ADAP1: variants seen among roughly 807,000 people sequenced by gnomAD.
The protein encoded by ADAP1 is arf-GAP with dual PH domain-containing protein 1.
In ADAP1, 31 loss-of-function variants were observed where a neutral mutation model predicts 54.9. The observed-to-expected ratio is 0.56, with a 90% CI of 0.42 to 0.76. ADAP1 has a LOEUF of 0.76. Among genes scored for constraint, ADAP1 ranks in the 30% least tolerant of loss-of-function variants. The pLI is 0.00. For synonymous variants in ADAP1, 313 were observed against 202.6 expected, an observed-to-expected ratio of 1.55 and a Z score of -4.63; for missense variants, 535 against 512.4, an observed-to-expected ratio of 1.04 and a Z score of -0.42.
At position 899,099 on chromosome 7, in the gene ADAP1, G is replaced by A; in HGVS notation, c.1030C>T (p.Gln344Ter). 1 of 1,608,374 alleles carries A rather than the reference G, an allele frequency of 6.2e-7. No individual in the cohort carries two copies. The highest frequency in any genetic ancestry group is 8.5e-7 in the Non-Finnish European group (1 of 1,179,918). ...TGGAAGGCCGCCACCCACTCCCTCTGGTCGGACTCCGTCTCGCAGGCAAAC... is the reference window on the plus strand; with the variant it reads ...TGGAAGGCCGCCACCCACTCCCTCTAGTCGGACTCCGTCTCGCAGGCAAAC... ...FLFACETESD[Q>*]REWVAAFQKA... Residue 344 changes from glutamine (Q) to a stop codon, truncating the protein, a stop_gained, in exon 10 of 11, where the codon CAG becomes TAG. Coordinates refer to ENST00000265846, the MANE Select transcript of ADAP1 (RefSeq NM_006869.4). LOFTEE classifies it high-confidence loss of function.
At chr7:904,794 C>T (rs1346327492) in intron 5 of ADAP1, among the ~76,000 whole-genome samples, 1 of 152,246 alleles carries the variant, frequency 6.6e-6, no homozygotes, top group African/African-American at 2.4e-5. Flanking sequence ...ACTAGGTTCT[C>T]CCTCTCCCAC....
intron 5 of ADAP1, 34 bp downstream of exon 5, chr7:905,026 A>G (rs375765167): frequency 9.5e-6 from 15 of 1,582,692 alleles, no homozygotes; most frequent in Non-Finnish European, 1.1e-5. Flanking sequence ...CCGCCCTGGG[A>G]CAGGCCCCCA....
Position 946,035 on chromosome 7 carries a change from C to A in ADAP1, c.82+8361G>T, listed in dbSNP as rs913932527. 1.2e-4 allele frequency among the ~76,000 whole-genome samples: 18 copies of A among 152,200 alleles called. No individual in the cohort carries two copies. Among genetic ancestry groups the A allele is most frequent in the African/African-American group, 4.3e-4 (18 of 41,440 alleles). On this transcript the variant is annotated intron_variant, in intron 1 of 10. Coordinates refer to ENST00000265846, the MANE Select transcript of ADAP1 (RefSeq NM_006869.4). The surrounding 1 kb of genome is among the most constrained non-coding windows in gnomAD (Gnocchi z 4.3). ...GGGTCGGACGCTGGCTCTGGCCAGG[C>A]ACGCAAGGGGCAGCCGAGGTGGGAG...
At chr7:950,752 G>A in intron 1 of ADAP1, among the ~76,000 whole-genome samples, 1 of 151,328 alleles carries the variant, frequency 6.6e-6, no homozygotes, top group East Asian at 2.0e-4. Context: ...AGCTACTCAG[G>A]GGACTGAGGC....
In ADAP1 at chr7:898,132, GGA is replaced by G. The variant is rs1844593273; in HGVS notation, c.*787_*788del. 6.6e-6 allele frequency: 1 copy of G among 152,314 alleles called. No individual in the cohort carries two copies. Among genetic ancestry groups the G allele is most frequent in the South Asian group, 2.1e-4 (1 of 4,838 alleles). 9.4% of individuals were successfully genotyped at this position (152,314 alleles called of 1,614,324 possible). Reference sequence around the variant, plus strand: ...GGAGCCCGGCCTGCCTTGACAGGAAGGAGATAGGTGAAAAATAAATACACGGC... The same window carrying G: ...GGAGCCCGGCCTGCCTTGACAGGAAGGATAGGTGAAAAATAAATACACGGC... On this transcript the variant is annotated 3_prime_UTR_variant, in exon 11 of 11. Coordinates refer to ENST00000265846, the MANE Select transcript of ADAP1 (RefSeq NM_006869.4).
chr7:925,332 G>A (rs1247462250), intron 3 of ADAP1, among the ~76,000 whole-genome samples: 1 of 149,570 alleles, frequency 6.7e-6, no homozygotes, highest in East Asian at 2.0e-4. Flanking sequence ...ACCAGCCTGG[G>A]CAATGTAGGG....
rs1308593152 is a variant in ADAP1 at position 905,259 on chromosome 7, T to TCGG, written c.389-88_389-87insCCG. On this transcript the variant is annotated intron_variant, in intron 4 of 10. Transcript: ENST00000265846. Reference sequence around the variant, plus strand: ...GACGATGGACAGGACAGAGGGGACATGGGGAGAAGACACGGGGGACACGGA... The same window carrying TCGG: ...GACGATGGACAGGACAGAGGGGACATCGGGGGGAGAAGACACGGGGGACACGGA... 2.6e-5 allele frequency: 16 copies of TCGG among 620,022 alleles called. No individual in the cohort carries two copies. In the African/African-American group the frequency reaches 4.1e-4, roughly 16 times the overall value. The allele number at this position is 620,022 out of a possible 1,614,324, so 38.4% of individuals were successfully genotyped here. A position where few individuals can be genotyped will look rare whatever the true frequency, so the allele number is the denominator to read the frequency against.
At position 905,543 on chromosome 7, in the gene ADAP1, G is replaced by GGAGAAA. The variant is rs1845161451; in HGVS notation, c.389-372_389-371insTTTCTC. 1.7e-4 allele frequency: 2 copies of GGAGAAA among 11,502 alleles called. 1 individual carries two copies. Among genetic ancestry groups the GGAGAAA allele is most frequent in the Non-Finnish European group, 2.9e-4 (2 of 6,874 alleles). 0.7% of individuals were successfully genotyped at this position (11,502 alleles called of 1,614,324 possible). On this transcript the variant is annotated intron_variant, in intron 4 of 10. Transcript: ENST00000265846. ...AGAAGGGAGAAGGGAGAAGGGAGAA[G>GGAGAAA]GGAGAAGGGAGAAAGGAGAAAGGAG...
intron 1 of ADAP1, among the ~76,000 whole-genome samples, chr7:948,238 G>A (rs968655660): frequency 3.1e-4 from 46 of 148,100 alleles, no homozygotes; most frequent in African/African-American, 1.0e-3. Context: ...CCCCTTGCCC[G>A]GGTGGGATCC....
Position 938,187 on chromosome 7 carries a change from G to A in ADAP1, c.83-2682C>T, listed in dbSNP as rs1386657244. Among the ~76,000 whole-genome samples, 2 of 151,032 alleles carry A rather than the reference G, an allele frequency of 1.3e-5. No homozygotes were observed. Among genetic ancestry groups the A allele is most frequent in the African/African-American group, 2.4e-5 (1 of 41,304 alleles). ...TTTTTGTCTTGTATTGTATTGTTTT[G>A]TTTTGAGACAGGGTCTTGCCCTGTT... On this transcript the variant is annotated intron_variant, in intron 1 of 10. Transcript: ENST00000265846. The surrounding 1 kb of genome is among the most constrained non-coding windows in gnomAD (Gnocchi z 4.4).
intron 1 of ADAP1, among the ~76,000 whole-genome samples, chr7:950,856 C>CAAAAAAAAAAA (rs34720533): frequency 3.5e-5 from 3 of 84,972 alleles, no homozygotes; most frequent in Non-Finnish European, 4.4e-5. Flanking sequence ...GACTCCGTCT[C>CAAAAAAAAAAA]AAAAAAAAAA....
At chr7:949,414 G>A (rs1041944129) in intron 1 of ADAP1, among the ~76,000 whole-genome samples, 1 of 152,272 alleles carries the variant, frequency 6.6e-6, no homozygotes, top group African/African-American at 2.4e-5. Flanking sequence ...GATGCGGCTG[G>A]CTGCCAGGTA....
At chr7:954,025 G>A (rs554239523) in intron 1 of ADAP1, among the ~76,000 whole-genome samples, 66 of 152,286 alleles carry the variant, frequency 4.3e-4, no homozygotes, top group African/African-American at 1.5e-3. Context: ...CTGGCGGCCC[G>A]TTCCCTCCCT....
intron 1 of ADAP1, among the ~76,000 whole-genome samples, chr7:952,812 C>T (rs764889940): frequency 1.3e-5 from 2 of 152,064 alleles, no homozygotes; most frequent in East Asian, 1.9e-4. Context: ...TACCCGGCAG[C>T]GTGGGGCATA....
rs944359758 is a variant in ADAP1, at chr7:906,659, G to A, written c.389-1487C>T. Among the ~76,000 whole-genome samples, 33 of 71,934 alleles carry A rather than the reference G, an allele frequency of 4.6e-4. 1 individual carries two copies. Among genetic ancestry groups the A allele is most frequent in the East Asian group, 7.5e-4 (1 of 1,338 alleles). The allele number at this position is 71,934 out of a possible 152,430, so 47.2% of individuals were successfully genotyped here. ...AGGAGAAAGGGAAAGGAGAAAGGGG[G>A]CGGGAAAGGGGACATGGACAGGGGA... On this transcript the variant is annotated intron_variant, in intron 4 of 10. Coordinates refer to ENST00000265846, the MANE Select transcript of ADAP1 (RefSeq NM_006869.4).
At chr7:954,339 G>GCCC in intron 1 of ADAP1, 57 bp downstream of exon 1, 1 of 1,005,614 alleles carries the variant, frequency 9.9e-7, no homozygotes, top group Non-Finnish European at 1.2e-6. Context: ...GACCCGCCCG[G>GCCC]CACCCCGCGC....
At chr7:904,970 C>G (rs113779430) in intron 5 of ADAP1, 90 bp downstream of exon 5, 1 of 1,146,780 alleles carries the variant, frequency 8.7e-7, no homozygotes, top group Non-Finnish European at 1.3e-6. Flanking sequence ...AGGGCAGCTG[C>G]GGATGGACGC....
intron 4 of ADAP1, among the ~76,000 whole-genome samples, chr7:918,418 G>A (rs966932363): frequency 2.0e-5 from 3 of 152,178 alleles, no homozygotes; most frequent in Admixed American, 6.5e-5. Flanking sequence ...CATCTTAGAT[G>A]TTGCCCAGGC....
intron 4 of ADAP1, among the ~76,000 whole-genome samples, chr7:913,262 G>T (rs1461971030): frequency 1.4e-5 from 2 of 145,716 alleles, no homozygotes; most frequent in Admixed American, 7.0e-5. Flanking sequence ...GTTTAGTGGC[G>T]TGATCTCCAC....
Sources: allele counts gnomAD v4.1 joint callset (sites outside exome capture counted in the v4.1 genomes callset), GRCh38; gene constraint gnomAD v4.1.1; non-coding constraint Gnocchi (gnomAD v3.1); transcripts MANE v1.5; gene names NCBI Gene and HGNC (gene_info 2026-07-23, HGNC 2026-07-21).